CUEDC1: variants seen among roughly 807,000 people sequenced by gnomAD.
CUEDC1 encodes the protein CUE domain containing 1.
A neutral mutation model predicts 43.7 loss-of-function variants in CUEDC1; 30 were observed. The observed-to-expected ratio is 0.69, with a 90% confidence interval of 0.51 to 0.93. CUEDC1 has a LOEUF of 0.93. CUEDC1 is among the 40% of genes least tolerant of loss of function. CUEDC1 has a pLI of 0.00. For missense variants in CUEDC1, 486 were observed against 549.0 expected, an observed-to-expected ratio of 0.89 and a Z score of 1.15; for synonymous variants, 223 against 223.6, an observed-to-expected ratio of 1.00 and a Z score of 0.02.
In CUEDC1 at chr17:57,866,960, C is replaced by T. The variant is rs1054695327; in HGVS notation, c.1093+397G>A. 1.7e-5 allele frequency: 6 copies of T among 354,290 alleles called. No individual in the cohort carries two copies. In the Admixed American group the frequency reaches 2.4e-4, roughly 14 times the overall value. 21.9% of individuals were successfully genotyped at this position (354,290 alleles called of 1,614,324 possible). A position where few individuals can be genotyped will look rare whatever the true frequency, so the allele number is the denominator to read the frequency against. ...AGGCAGAGTCTTCTGGCCCACGTGG[C>T]CTTTGGAAGGGACTGGGTGAAAGTT... On this transcript the variant is annotated intron_variant, in intron 9 of 10. Coordinates refer to ENST00000577830, the MANE Select transcript of CUEDC1 (RefSeq NM_001271875.2).
intron 1 of CUEDC1, among the ~76,000 whole-genome samples, chr17:57,894,919 G>A (rs950279156): frequency 2.6e-5 from 4 of 152,110 alleles, no homozygotes; most frequent in African/African-American, 9.7e-5. Context: ...TGCCACAAAA[G>A]GCACCATCAA....
At chr17:57,873,398 C>G (rs967527380) in intron 4 of CUEDC1, among the ~76,000 whole-genome samples, 193 bp downstream of exon 4, 2 of 152,204 alleles carry the variant, frequency 1.3e-5, no homozygotes, top group African/African-American at 2.4e-5. Flanking sequence ...CTGGATAGAA[C>G]AGGAAACCTC....
chr17:57,954,072 A>T lies in CUEDC1; in HGVS notation c.-316+1153T>A, dbSNP rs1176048366. ...GGTGAGATGACTTCCTCCGTGAGAGAATTCCTGGGGTCCCTCACCTCCTTC... is the reference window on the plus strand; with the variant it reads ...GGTGAGATGACTTCCTCCGTGAGAGTATTCCTGGGGTCCCTCACCTCCTTC... On this transcript the variant is annotated intron_variant, in intron 1 of 10. Coordinates refer to ENST00000577830, the MANE Select transcript of CUEDC1 (RefSeq NM_001271875.2). This position sits in a 1 kb window ranked among gnomAD's most constrained non-coding sequence, Gnocchi z 4.3. Among the ~76,000 whole-genome samples, 1 of 152,188 alleles carries T rather than the reference A, an allele frequency of 6.6e-6. No individual in the cohort carries two copies. Among genetic ancestry groups the T allele is most frequent in the Non-Finnish European group, 1.5e-5 (1 of 68,028 alleles).
chr17:57,895,932 G>A (rs2074403108), intron 1 of CUEDC1, among the ~76,000 whole-genome samples: 1 of 152,232 alleles, frequency 6.6e-6, no homozygotes, highest in Non-Finnish European at 1.5e-5. Flanking sequence ...CCTATAGGCA[G>A]TCAGGCTGAA....
chr17:57,873,054 T>C (rs1008728141), intron 4 of CUEDC1, among the ~76,000 whole-genome samples, 199 bp from the exon 5 acceptor site: 4 of 152,170 alleles, frequency 2.6e-5, no homozygotes, highest in Non-Finnish European at 5.9e-5. Flanking sequence ...GACACAGCAG[T>C]AGCCTAAAAA....
chr17:57,872,997 G>A (rs2074057420), intron 4 of CUEDC1, 142 bp from the exon 5 acceptor site: 1 of 766,680 alleles, frequency 1.3e-6, no homozygotes, highest in Non-Finnish European at 2.1e-6. Context: ...ATGGAACCTG[G>A]TTGCGAGCCA....
At chr17:57,891,086 G>A (rs2074350344) in intron 1 of CUEDC1, among the ~76,000 whole-genome samples, 1 of 152,154 alleles carries the variant, frequency 6.6e-6, no homozygotes, top group Admixed American at 6.5e-5. Context: ...CAGCCCCATG[G>A]CTTGGAATAC....
chr17:57,868,536 G>C, intron 7 of CUEDC1: 1 of 450,606 alleles, frequency 2.2e-6, no homozygotes, highest in Non-Finnish European at 4.1e-6. Flanking sequence ...CTCCCCAGCT[G>C]CAACACACTG....
intron 1 of CUEDC1, among the ~76,000 whole-genome samples, chr17:57,908,784 T>TCAGGAGATCGAGA (rs1454526236): frequency 1.3e-5 from 2 of 152,060 alleles, no homozygotes; most frequent in African/African-American, 4.8e-5. Context: ...GATCACAAGG[T>TCAGGAGATCGAGA]CAGGAGATCG....
intron 1 of CUEDC1, among the ~76,000 whole-genome samples, chr17:57,910,448 T>C (rs939321286): frequency 6.6e-6 from 1 of 151,724 alleles, no homozygotes; most frequent in Non-Finnish European, 1.5e-5. Flanking sequence ...AAAAAATGCA[T>C]AGAAAAAAGG....
intron 1 of CUEDC1, among the ~76,000 whole-genome samples, chr17:57,914,716 T>G (rs2074619935): frequency 6.6e-6 from 1 of 152,114 alleles, no homozygotes; most frequent in Non-Finnish European, 1.5e-5. Flanking sequence ...CCTGATGGTT[T>G]GAGAGAAACA....
In CUEDC1 at chr17:57,885,712, G is replaced by C. The variant is rs2074281673; in HGVS notation, c.-148C>G. On this transcript the variant is annotated 5_prime_UTR_variant, in exon 2 of 11. Coordinates refer to ENST00000577830, the MANE Select transcript of CUEDC1 (RefSeq NM_001271875.2). Reference sequence around the variant, plus strand: ...TCCCCGGGTAGCCAGGCAGCAATGGGCTGCCAAGAGCTCCGGGTTAGGAGA... The same window carrying C: ...TCCCCGGGTAGCCAGGCAGCAATGGCCTGCCAAGAGCTCCGGGTTAGGAGA... The C allele has an allele frequency of 8.0e-7, 1 of 1,257,258 alleles. No homozygotes were observed. Among genetic ancestry groups the C allele is most frequent in the African/African-American group, 1.6e-5 (1 of 63,176 alleles). The allele number at this position is 1,257,258 out of a possible 1,614,324, so 77.9% of individuals were successfully genotyped here. A position where few individuals can be genotyped will look rare whatever the true frequency, so the allele number is the denominator to read the frequency against.
intron 10 of CUEDC1, 92 bp downstream of exon 10, chr17:57,866,382 G>T: frequency 8.2e-7 from 1 of 1,219,262 alleles, no homozygotes; most frequent in Non-Finnish European, 1.2e-6. Context: ...TGAGCCCAGC[G>T]CCTCTGGACA....
intron 1 of CUEDC1, among the ~76,000 whole-genome samples, chr17:57,901,348 G>A (rs942546023): frequency 6.6e-6 from 1 of 152,162 alleles, no homozygotes; most frequent in Non-Finnish European, 1.5e-5. Flanking sequence ...AGCAGCCAGC[G>A]CACACTGTAG....
chr17:57,941,723 C>A (rs1399234584), intron 1 of CUEDC1, among the ~76,000 whole-genome samples: 1 of 152,212 alleles, frequency 6.6e-6, no homozygotes, highest in African/African-American at 2.4e-5. Flanking sequence ...AGCCTCAGTT[C>A]CCACATCCAA....
rs143078468 is a variant in CUEDC1, at chr17:57,882,739, C to T, written c.336+2490G>A. Among the ~76,000 whole-genome samples, 266 of 152,258 alleles carry T rather than the reference C, an allele frequency of 1.7e-3. 1 individual carries two copies. Among genetic ancestry groups the T allele is most frequent in the African/African-American group, 5.7e-3 (238 of 41,558 alleles). On this transcript the variant is annotated intron_variant, in intron 2 of 10. Coordinates refer to ENST00000577830, the MANE Select transcript of CUEDC1 (RefSeq NM_001271875.2). Reference sequence around the variant, plus strand: ...TGAAGCCCTTTACGATGATCTACTTCCACTTAATGAGTAGAAAATATATTT... The same window carrying T: ...TGAAGCCCTTTACGATGATCTACTTTCACTTAATGAGTAGAAAATATATTT...
rs1020892249 is a variant in CUEDC1, at chr17:57,862,671, G to C, written c.*618C>G. The stretch of plus-strand genomic sequence containing the variant: ...TAGCCCATAGCTCCTCAGAGTTCCT[G>C]GGGGACTGGCCAGGGACCTCCCACC... On this transcript the variant is annotated 3_prime_UTR_variant, in exon 11 of 11. Transcript: ENST00000577830. 6.6e-6 allele frequency: 1 copy of C among 152,306 alleles called. No homozygotes were observed. The highest frequency in any genetic ancestry group is 2.4e-5 in the African/African-American group (1 of 41,396). 9.4% of individuals were successfully genotyped at this position (152,306 alleles called of 1,614,324 possible).
intron 1 of CUEDC1, among the ~76,000 whole-genome samples, chr17:57,903,636 A>G (rs373056698): frequency 5.3e-5 from 8 of 151,952 alleles, no homozygotes; most frequent in South Asian, 4.2e-4. Flanking sequence ...ACTCATCTCC[A>G]CTGTTTTTTA....
intron 3 of CUEDC1, among the ~76,000 whole-genome samples, chr17:57,879,069 A>C (rs2074168285): frequency 6.6e-6 from 1 of 152,200 alleles, no homozygotes; most frequent in Admixed American, 6.5e-5. Context: ...AACTACCTTA[A>C]TGAAAGAGAC....
Sources: gnomAD v4.1 joint callset for allele counts (sites outside exome capture counted in the v4.1 genomes callset) on GRCh38, gnomAD v4.1.1 for gene constraint, Gnocchi (gnomAD v3.1) non-coding constraint, MANE v1.5 for transcripts, NCBI Gene and HGNC (gene_info 2026-07-23, HGNC 2026-07-21) for gene names.